ZNF487: variants seen among roughly 807,000 people sequenced by gnomAD.
The protein encoded by ZNF487 is KRAB domain only 1.
In ZNF487, 4 loss-of-function variants were observed where a neutral mutation model predicts 3.0. That is an observed-to-expected ratio of 1.35 (90% CI 0.66 to 3.08). The LOEUF (loss-of-function observed/expected upper bound fraction) is 3.08, where lower values mean the gene tolerates loss of function less well. ZNF487 is among the 30% of genes most tolerant of loss of function. ZNF487 has a pLI of 0.01. For synonymous variants in ZNF487, 55 were observed against 34.6 expected (o/e 1.59, Z -2.06); for missense variants, 146 against 98.7 (o/e 1.48, Z -2.03).
At chr10:43,504,397 G>A in the ZNF487 span, among the ~76,000 whole-genome samples, 7 of 147,560 alleles carry the variant, frequency 4.7e-5, no homozygotes, top group Non-Finnish European at 8.9e-5. Context: ...AGGTTCAAGC[G>A]ATTCTCCTGC....
the ZNF487 span, among the ~76,000 whole-genome samples, chr10:43,500,912 C>T: frequency 3.3e-5 from 5 of 152,108 alleles, no homozygotes; most frequent in South Asian, 4.1e-4. Context: ...GAAATTGTCA[C>T]GCTCTCTAAA....
chr10:43,469,791 A>T (rs940715583), intron 1 of ZNF487, among the ~76,000 whole-genome samples: 1 of 151,948 alleles, frequency 6.6e-6, no homozygotes, highest in Non-Finnish European at 1.5e-5. Flanking sequence ...TCTACCAAAA[A>T]ATAGAAAAAT....
intron 1 of ZNF487, among the ~76,000 whole-genome samples, chr10:43,471,202 C>T (rs541065451): frequency 2.6e-5 from 4 of 152,234 alleles, no homozygotes; most frequent in Non-Finnish European, 5.9e-5. Context: ...GCGCTCAACC[C>T]CTTGCAGGAT....
Position 43,460,449 on chromosome 10 carries a change from C to CATGG in ZNF487, c.-93-15271_-93-15268dup, listed in dbSNP as rs1241037673. Among the ~76,000 whole-genome samples the CATGG allele has an allele frequency of 3.6e-5, 5 of 139,038 alleles. No individual in the cohort carries two copies. The South Asian group carries it at 6.9e-4, about 19-fold the overall frequency. The allele number at this position is 139,038 out of a possible 152,430, so 91.2% of individuals were successfully genotyped here. A position where few individuals can be genotyped will look rare whatever the true frequency, so the allele number is the denominator to read the frequency against. The stretch of plus-strand genomic sequence containing the variant: ...GGAGTGCAGTGGCATGATCTCAGTT[C>CATGG]ATGGCAACCTCTGCCTCCCGGGTTC... On this transcript the variant is annotated intron_variant, in intron 1 of 3. Coordinates refer to ENST00000437590, the MANE Select transcript of ZNF487 (RefSeq NM_001355444.3).
chr10:43,487,165 A>G (rs750646007), downstream of ZNF487, among the ~76,000 whole-genome samples: 13 of 140,402 alleles, frequency 9.3e-5, no homozygotes, highest in Admixed American at 3.0e-4. Flanking sequence ...TTTGAAGCAG[A>G]GTCTTGCTCT....
chr10:43,520,567 C>G, the ZNF487 span, among the ~76,000 whole-genome samples: 1 of 151,818 alleles, frequency 6.6e-6, no homozygotes, highest in Admixed American at 6.6e-5. Context: ...GCATTTGTGG[C>G]AAAAGAACAA....
the ZNF487 span, among the ~76,000 whole-genome samples, chr10:43,498,075 T>A: frequency 6.6e-3 from 229 of 34,958 alleles, 3 homozygotes; most frequent in African/African-American, 0.025. Flanking sequence ...ATTTGGTATT[T>A]TATATATATA....
chr10:43,472,872 C>T (rs549118739), intron 1 of ZNF487, among the ~76,000 whole-genome samples: 4 of 151,578 alleles, frequency 2.6e-5, no homozygotes, highest in Non-Finnish European at 5.9e-5. Flanking sequence ...ATTATGTCAA[C>T]CATATTTAAT....
intron 1 of ZNF487, among the ~76,000 whole-genome samples, chr10:43,467,296 G>A (rs544108713): frequency 1.3e-5 from 2 of 151,858 alleles, no homozygotes; most frequent in East Asian, 2.0e-4. Context: ...CCTCTGCCTC[G>A]CGGGTTCAAG....
the ZNF487 span, among the ~76,000 whole-genome samples, chr10:43,517,856 C>T: frequency 1.3e-5 from 2 of 152,106 alleles, no homozygotes. Context: ...CCTTGGCTAC[C>T]TGAGGATCCC....
intron 1 of ZNF487, among the ~76,000 whole-genome samples, chr10:43,442,100 C>T (rs1767994242): frequency 6.6e-6 from 1 of 152,070 alleles, no homozygotes; most frequent in East Asian, 1.9e-4. Context: ...TGGCACATGC[C>T]TGTACTGTAG....
the ZNF487 span, among the ~76,000 whole-genome samples, chr10:43,520,114 G>A: frequency 6.6e-6 from 1 of 152,148 alleles, no homozygotes; most frequent in Admixed American, 6.6e-5. Context: ...TACACAAAAT[G>A]ACTGTATGTT....
intron 1 of ZNF487, among the ~76,000 whole-genome samples, chr10:43,455,157 C>T (rs1316024631): frequency 6.6e-6 from 1 of 151,756 alleles, no homozygotes; most frequent in Non-Finnish European, 1.5e-5. Context: ...TATAGGCGCC[C>T]GCCACCACGC....
chr10:43,482,537 T>A lies in ZNF487; in HGVS notation c.*615T>A. The stretch of plus-strand genomic sequence containing the variant: ...GAAAAAACTTCTGTGAGAAGTCAAA[T>A]CTTCATGTACATCAGAGAACACACA... On this transcript the variant is annotated 3_prime_UTR_variant, in exon 4 of 4. Transcript: ENST00000437590. 1 of 499,444 alleles carries A rather than the reference T, an allele frequency of 2.0e-6. No individual in the cohort carries two copies. The highest frequency in any genetic ancestry group is 4.1e-6 in the Non-Finnish European group (1 of 244,642). The allele number at this position is 499,444 out of a possible 1,614,324, so 30.9% of individuals were successfully genotyped here. A position where few individuals can be genotyped will look rare whatever the true frequency, so the allele number is the denominator to read the frequency against.
At chr10:43,448,897 G>A (rs1839905960) in intron 1 of ZNF487, among the ~76,000 whole-genome samples, 1 of 151,290 alleles carries the variant, frequency 6.6e-6, no homozygotes, top group South Asian at 2.1e-4. Flanking sequence ...TGGAGAGGAT[G>A]AAGCAGGAGG....
At chr10:43,454,937 CAAAA>C (rs58217923) in intron 1 of ZNF487, among the ~76,000 whole-genome samples, 10 of 85,412 alleles carry the variant, frequency 1.2e-4, no homozygotes, top group African/African-American at 4.7e-4. Flanking sequence ...GACCTTGTCT[CAAAA>C]AAAAAAAAAA....
intron 1 of ZNF487, among the ~76,000 whole-genome samples, chr10:43,461,841 G>T (rs1253514832): frequency 6.6e-6 from 1 of 152,054 alleles, no homozygotes; most frequent in African/African-American, 2.4e-5. Flanking sequence ...TTTAGAACTT[G>T]ATACAAGTCC....
chr10:43,467,951 A>G (rs983064756), intron 1 of ZNF487, among the ~76,000 whole-genome samples: 1 of 152,184 alleles, frequency 6.6e-6, no homozygotes, highest in Non-Finnish European at 1.5e-5. Context: ...CACTAAGACC[A>G]TTTACGATTC....
chr10:43,522,100 C>T, the ZNF487 span, among the ~76,000 whole-genome samples: 2 of 152,182 alleles, frequency 1.3e-5, no homozygotes, highest in African/African-American at 4.8e-5. Context: ...TATGCTTTCT[C>T]TGGACATTGG....
Sources: allele counts gnomAD v4.1 joint callset (sites outside exome capture counted in the v4.1 genomes callset), GRCh38; gene constraint gnomAD v4.1.1; transcripts MANE v1.5; gene names NCBI Gene and HGNC (gene_info 2026-07-23, HGNC 2026-07-21).